MDM1: variants seen among roughly 807,000 people sequenced by gnomAD.
MDM1 encodes the protein Mdm1 nuclear protein.
MDM1 carries 61 observed loss-of-function variants against 89.1 expected under a neutral mutation model. The ratio of observed to expected loss-of-function variants is 0.68; its 90% confidence interval spans 0.56 to 0.85. The LOEUF is 0.85. Ranked by LOEUF, MDM1 falls within the 40% of genes least tolerant of loss-of-function variation. MDM1 has a pLI of 0.00. For synonymous variants in MDM1, 290 were observed against 294.1 expected, an observed-to-expected ratio of 0.99 and a Z score of 0.14; for missense variants, 820 against 846.5, an observed-to-expected ratio of 0.97 and a Z score of 0.39.
chr12:68,296,788 C>T, intron 14 of MDM1, 135 bp downstream of exon 14: 1 of 532,988 alleles, frequency 1.9e-6, no homozygotes, highest in Non-Finnish European at 3.1e-6. Flanking sequence ...TTCACTCCCC[C>T]TCACAGGGTT....
intron 14 of MDM1, among the ~76,000 whole-genome samples, chr12:68,295,642 A>T (rs751226826): frequency 1.3e-5 from 2 of 152,224 alleles, no homozygotes; most frequent in Non-Finnish European, 2.9e-5. Context: ...TTAACAGAGC[A>T]CACGGCCTAT....
At chr12:68,329,471 A>AT (rs1188338422) in intron 2 of MDM1, among the ~76,000 whole-genome samples, 1 of 152,218 alleles carries the variant, frequency 6.6e-6, no homozygotes, top group East Asian at 1.9e-4. Flanking sequence ...CATGTGGGAC[A>AT]CTAAGCACTG....
chr12:68,330,937 C>A (rs993801552), intron 2 of MDM1, 170 bp downstream of exon 2: 1 of 590,928 alleles, frequency 1.7e-6, no homozygotes, highest in East Asian at 2.8e-5. Flanking sequence ...TCATAGTAAA[C>A]CTTCAATAAA....
Position 68,325,943 on chromosome 12 carries a change from C to T in MDM1, c.499-368G>A, listed in dbSNP as rs949724708. 5.0e-6 allele frequency: 5 copies of T among 995,512 alleles called. No homozygotes were observed. The African/African-American group carries it at 6.9e-5, about 14-fold the overall frequency. 61.7% of individuals were successfully genotyped at this position (995,512 alleles called of 1,614,324 possible). A position where few individuals can be genotyped will look rare whatever the true frequency, so the allele number is the denominator to read the frequency against. On this transcript the variant is annotated intron_variant, in intron 3 of 14. Transcript: ENST00000682720. ...CTATGAACACCCCTTCTCCTGCCTG[C>T]CAGACTCACACATCACCTTCCTTGT... is the stretch of plus-strand genomic sequence containing the variant.
chr12:68,327,143 T>C (rs1876120260), intron 2 of MDM1, 122 bp from the exon 3 acceptor site: 32 of 1,412,512 alleles, frequency 2.3e-5, no homozygotes, highest in Non-Finnish European at 3.0e-5. Context: ...TGTACCTATA[T>C]ATACACACAA....
chr12:68,302,474 T>A, intron 13 of MDM1, 146 bp downstream of exon 13: 2 of 718,146 alleles, frequency 2.8e-6, no homozygotes, highest in Non-Finnish European at 4.3e-6. Context: ...AAGGAGGGAG[T>A]TTTCCTATTT....
At chr12:68,320,511 G>C (rs1279427627) in intron 7 of MDM1, among the ~76,000 whole-genome samples, 2 of 152,178 alleles carry the variant, frequency 1.3e-5, no homozygotes, top group Non-Finnish European at 2.9e-5. Flanking sequence ...AGAACCAGCA[G>C]CTCAGCGCAC....
intron 7 of MDM1, among the ~76,000 whole-genome samples, chr12:68,317,280 TA>T (rs1874624734): frequency 6.6e-6 from 1 of 151,882 alleles, no homozygotes. Context: ...TTCCACAATG[TA>T]AAAAAAATTA....
At chr12:68,329,318 C>A (rs1876455660) in intron 2 of MDM1, among the ~76,000 whole-genome samples, 1 of 152,238 alleles carries the variant, frequency 6.6e-6, no homozygotes, top group African/African-American at 2.4e-5. Flanking sequence ...CTTGCCCACT[C>A]TTCCCTTTGT....
At chr12:68,296,412 C>T (rs759313286) in intron 14 of MDM1, among the ~76,000 whole-genome samples, 5 of 152,162 alleles carry the variant, frequency 3.3e-5, no homozygotes. Flanking sequence ...GCAGGAGAAT[C>T]GCTTGAACCC....
intron 12 of MDM1, among the ~76,000 whole-genome samples, chr12:68,309,052 T>C (rs907178306): frequency 2.6e-5 from 4 of 152,248 alleles, no homozygotes; most frequent in Admixed American, 6.5e-5. Flanking sequence ...TTGCCTCCTA[T>C]GGCAGCCGGA....
intron 5 of MDM1, 88 bp downstream of exon 5, chr12:68,322,985 A>G: frequency 7.6e-7 from 1 of 1,319,728 alleles, no homozygotes; most frequent in Admixed American, 2.5e-5. Context: ...GAAAACCAAA[A>G]ACTCCCAGGT....
intron 14 of MDM1, among the ~76,000 whole-genome samples, chr12:68,296,226 A>G (rs530355647): frequency 5.9e-5 from 9 of 152,368 alleles, no homozygotes; most frequent in East Asian, 3.9e-4. Flanking sequence ...AAGGCTGGGC[A>G]TGGTGGCTCA....
At chr12:68,325,646 A>C (rs1354758288) in intron 3 of MDM1, 71 bp from the exon 4 acceptor site, 1 of 1,412,882 alleles carries the variant, frequency 7.1e-7, no homozygotes, top group Non-Finnish European at 9.3e-7. Flanking sequence ...ATTGTGGTAA[A>C]AAATGCATAA....
intron 13 of MDM1, 146 bp downstream of exon 13, chr12:68,302,474 T>G: frequency 4.2e-6 from 3 of 718,146 alleles, no homozygotes; most frequent in Admixed American, 3.1e-5. Context: ...AAGGAGGGAG[T>G]TTTCCTATTT....
rs1482264476 is a variant in MDM1, at chr12:68,313,664, T to C, written c.1619A>G (p.Asp540Gly). 1.2e-6 allele frequency: 2 copies of C among 1,613,974 alleles called. No individual in the cohort carries two copies. Among genetic ancestry groups the C allele is most frequent in the East Asian group, 2.2e-5 (1 of 44,874 alleles). Residue 540 changes from aspartate to glycine, a missense_variant, in exon 11 of 15, where the codon GAT becomes GGT. Asp to Gly is a moderately conservative substitution (Grantham distance 94, BLOSUM62 -1). Coordinates refer to ENST00000682720, the MANE Select transcript of MDM1 (RefSeq NM_001354969.2). ...ELGGIQRTHH[D>G]LTTPAVGGAV... is the part of the protein sequence containing the mutation. Reference sequence around the variant, plus strand: ...ATTACCAACAGCTGGAGTAGTGAGATCATGATGAGTCCTCTGGATTCCACC... The same window carrying C: ...ATTACCAACAGCTGGAGTAGTGAGACCATGATGAGTCCTCTGGATTCCACC...
intron 7 of MDM1, among the ~76,000 whole-genome samples, chr12:68,319,440 T>C (rs1371414514): frequency 6.6e-6 from 1 of 152,174 alleles, no homozygotes; most frequent in African/African-American, 2.4e-5. Flanking sequence ...AACAACAAAG[T>C]CACTTATGTC....
chr12:68,327,626 TC>T, intron 2 of MDM1: 1 of 993,182 alleles, frequency 1.0e-6, no homozygotes, highest in Non-Finnish European at 1.5e-6. Context: ...TAAGAGCAGC[TC>T]TGCAGAATGA....
Position 68,332,254 on chromosome 12 carries a change from G to A in MDM1, c.-9C>T, listed in dbSNP as rs771162551. 1 of 1,582,710 alleles carries A rather than the reference G, an allele frequency of 6.3e-7. No homozygotes were observed. Among genetic ancestry groups the A allele is most frequent in the Non-Finnish European group, 8.6e-7 (1 of 1,165,450 alleles). ...TTGAAGCGCACCGGCATGTCGCCCG[G>A]CGCCGGAGCCCCCGCTACTCCGACA... On this transcript the variant is annotated 5_prime_UTR_variant, in exon 1 of 15. Coordinates refer to ENST00000682720, the MANE Select transcript of MDM1 (RefSeq NM_001354969.2).
Sources: allele counts gnomAD v4.1 joint callset (sites outside exome capture counted in the v4.1 genomes callset), GRCh38; gene constraint gnomAD v4.1.1; transcripts MANE v1.5; gene names NCBI Gene and HGNC (gene_info 2026-07-23, HGNC 2026-07-21).